WNK3: variants seen among roughly 807,000 people sequenced by gnomAD.
WNK3 encodes the protein serine/threonine-protein kinase WNK3.
Under a neutral mutation model 116.7 loss-of-function variants are expected in WNK3, and 18 were observed. The ratio of observed to expected loss-of-function variants is 0.15; its 90% CI spans 0.11 to 0.23. The LOEUF (loss-of-function observed/expected upper bound fraction) is 0.23, where lower values mean the gene tolerates loss of function less well. Ranked by LOEUF, WNK3 falls within the 10% of genes least tolerant of loss-of-function variation. The probability of loss-of-function intolerance (pLI) is 1.00; values close to 1 mark genes in which losing one functional copy is unlikely to be tolerated. For synonymous variants in WNK3, 404 were observed against 469.4 expected (o/e 0.86, Z 1.80); for missense variants, 993 against 1,323.8 (o/e 0.75, Z 3.88).
At chrX:54,212,515 C>T (rs782059786) in intron 22 of WNK3, among the ~76,000 whole-genome samples, 5 of 112,352 alleles carry the variant, frequency 4.5e-5, no homozygotes, top group Non-Finnish European at 7.5e-5. Flanking sequence ...CTCATATAAG[C>T]GGGTAAAAGA....
At position 54,294,589 on chromosome X, in the gene WNK3, G is replaced by C; in HGVS notation, c.1657C>G (p.Gln553Glu). The change falls in exon 8 of 24, where the codon CAA becomes GAA. Residue 553 changes from glutamine (Q) to glutamate (E), a missense_variant. By Grantham distance (29) the Gln-to-Glu change is conservative. Transcript: ENST00000354646. ...GAGCAGTGCTGCTGTGGTTTTCTTT[G>C]TAGAAGCTGTTGTCTAACATGTTGA... The C allele has an allele frequency of 1.7e-6, 2 of 1,196,646 alleles. No individual in the cohort carries two copies. Among genetic ancestry groups the C allele is most frequent in the Non-Finnish European group, 2.3e-6 (2 of 885,335 alleles).
At chrX:54,346,279 C>CAAAAAAAAA (rs150788845) in intron 1 of WNK3, among the ~76,000 whole-genome samples, 63 of 30,277 alleles carry the variant, frequency 2.1e-3, no homozygotes, top group East Asian at 3.4e-3. Flanking sequence ...GCTGATCAGC[C>CAAAAAAAAA]AAAAAAAAAA....
intron 10 of WNK3, among the ~76,000 whole-genome samples, chrX:54,273,988 TTG>T (rs1360911218): frequency 9.0e-6 from 1 of 111,485 alleles, no homozygotes; most frequent in East Asian, 2.8e-4. Flanking sequence ...CCAACACAAC[TTG>T]TCTCTCCTCT....
chrX:54,198,515 G>T, exon 24 of WNK3: 1 of 1,210,042 alleles, frequency 8.3e-7, no homozygotes, highest in Non-Finnish European at 1.1e-6. Context: ...TGACAAACGT[G>T]AGGCATTCCA....
chrX:54,199,930 C>G (rs1557141254), intron 23 of WNK3, among the ~76,000 whole-genome samples: 2 of 112,601 alleles, frequency 1.8e-5, no homozygotes, highest in Admixed American at 1.9e-4. Flanking sequence ...CCATTGTGCA[C>G]TAACTCCTCT....
chrX:54,271,758 C>T (rs1278483670), intron 10 of WNK3, among the ~76,000 whole-genome samples: 1 of 111,835 alleles, frequency 8.9e-6, no homozygotes, highest in Admixed American at 9.6e-5. Context: ...CTCATTCAAC[C>T]AACCTCCCAA....
chrX:54,320,176 A>C (rs1225159582), intron 2 of WNK3, among the ~76,000 whole-genome samples: 1 of 112,408 alleles, frequency 8.9e-6, no homozygotes, highest in Non-Finnish European at 1.9e-5. Flanking sequence ...CTAAACATTA[A>C]ATCTATTATA....
At position 54,237,630 on chromosome X, in the gene WNK3, T is replaced by A. The variant is rs188083648; in HGVS notation, c.4015-79A>T. The A allele has an allele frequency of 2.7e-3, 2,670 of 989,273 alleles. 1 individual carries two copies. The highest frequency in any genetic ancestry group is 3.3e-3 in the Non-Finnish European group (2,502 of 757,913). The allele number at this position is 989,273 out of a possible 1,213,427, so 81.5% of individuals were successfully genotyped here. On this transcript the variant is annotated intron_variant, in intron 19 of 23. Transcript: ENST00000354646. Reference sequence around the variant, plus strand: ...TGCTGTGATGTATATGTATTGATACTAGCAAAACTTAAAAATTTAATCTAT... The same window carrying A: ...TGCTGTGATGTATATGTATTGATACAAGCAAAACTTAAAAATTTAATCTAT...
chrX:54,245,708 C>A (rs1211736625), intron 17 of WNK3, among the ~76,000 whole-genome samples: 3 of 111,781 alleles, frequency 2.7e-5, no homozygotes, highest in Admixed American at 9.5e-5. Flanking sequence ...TTTCTATTTA[C>A]AAATATTTAA....
At chrX:54,349,700 T>A (rs2069487420) in intron 1 of WNK3, among the ~76,000 whole-genome samples, 1 of 111,418 alleles carries the variant, frequency 9.0e-6, no homozygotes, top group Non-Finnish European at 1.9e-5. Flanking sequence ...TAGTAACATA[T>A]AGTTATAGTA....
intron 21 of WNK3, among the ~76,000 whole-genome samples, chrX:54,232,072 A>AGTGTGTGTGTGTGTCTGAGTATATGT (rs2067904688): frequency 1.1e-5 from 1 of 94,618 alleles, no homozygotes; most frequent in Non-Finnish European, 2.1e-5. Flanking sequence ...ATTCTTGTTG[A>AGTGTGTGTGTGTGTCTGAGTATATGT]GTGTGTGTGT....
In WNK3 at chrX:54,213,553, C is replaced by CAAAAAA. The variant is rs782580375; in HGVS notation, c.4871-11366_4871-11361dup. ...AGGGCGACAGAGTGAGACTCCGTCT[C>CAAAAAA]AAAAAAAAAAACAAACAAAAAAAAA... On this transcript the variant is annotated intron_variant, in intron 22 of 23. Transcript: ENST00000354646. Among the ~76,000 whole-genome samples the CAAAAAA allele has an allele frequency of 1.1e-3, 15 of 14,261 alleles. 3 individuals are homozygous for CAAAAAA. The highest frequency in any genetic ancestry group is 8.5e-3 in the African/African-American group (15 of 1,769). The allele number at this position is 14,261 out of a possible 115,157, so 12.4% of individuals were successfully genotyped here.
Position 54,321,107 on chromosome X carries a change from G to A in WNK3, c.538-9816C>T, listed in dbSNP as rs186727585. 3.6e-5 allele frequency among the ~76,000 whole-genome samples: 4 copies of A among 110,366 alleles called. No individual in the cohort carries two copies. In the East Asian group the frequency reaches 1.1e-3, roughly 32 times the overall value. On this transcript the variant is annotated intron_variant, in intron 2 of 23. Coordinates refer to ENST00000354646, the Ensembl canonical transcript of WNK3. Reference sequence around the variant, plus strand: ...AGGAGGAGTTTCGCCATGTTGGCCAGGCTGATCTCGAATGTCTGACCTCAG... The same window carrying A: ...AGGAGGAGTTTCGCCATGTTGGCCAAGCTGATCTCGAATGTCTGACCTCAG...
intron 1 of WNK3, among the ~76,000 whole-genome samples, chrX:54,349,053 C>T (rs947053899): frequency 4.5e-5 from 5 of 112,169 alleles, no homozygotes; most frequent in Non-Finnish European, 9.4e-5. Flanking sequence ...AAACAACTAT[C>T]GACCAGGCAC....
intron 10 of WNK3, among the ~76,000 whole-genome samples, chrX:54,265,503 C>T (rs1194903993): frequency 1.8e-5 from 2 of 110,544 alleles, no homozygotes; most frequent in Admixed American, 9.7e-5. Context: ...AAGAGGAAAA[C>T]GGAAGTCAAA....
intron 1 of WNK3, among the ~76,000 whole-genome samples, chrX:54,349,555 TTCCAAAATCAATGCAA>T: frequency 9.0e-6 from 1 of 111,635 alleles, no homozygotes; most frequent in African/African-American, 3.2e-5. Context: ...CCCACTATTA[TTCCAAAATCAATGCAA>T]TTTCAATCAA....
intron 17 of WNK3, 59 bp from the exon 18 acceptor site, chrX:54,239,158 C>G (rs1193409097): frequency 3.8e-5 from 27 of 705,963 alleles, no homozygotes; most frequent in Non-Finnish European, 4.4e-5. Flanking sequence ...AACAAAACAA[C>G]CGAGAAAAAC....
chrX:54,219,995 T>C (rs1557146230), intron 22 of WNK3, among the ~76,000 whole-genome samples: 2 of 111,935 alleles, frequency 1.8e-5, no homozygotes, highest in African/African-American at 3.2e-5. Flanking sequence ...ATAAGGTATA[T>C]ACAACTGAGA....
At chrX:54,271,832 T>A (rs782319378) in intron 10 of WNK3, among the ~76,000 whole-genome samples, 1 of 111,586 alleles carries the variant, frequency 9.0e-6, no homozygotes, top group East Asian at 2.8e-4. Flanking sequence ...ATGAGATCAA[T>A]CTGAAAGGTT....
Sources: allele counts gnomAD v4.1 joint callset (sites outside exome capture counted in the v4.1 genomes callset), GRCh38; gene constraint gnomAD v4.1.1; transcripts MANE v1.5; gene names NCBI Gene and HGNC (gene_info 2026-07-23, HGNC 2026-07-21).